Variants in DDC observed in about 807,000 individuals in gnomAD.
DDC encodes the protein aromatic-L-amino-acid decarboxylase.
A neutral mutation model predicts 60.0 loss-of-function variants in DDC; 43 were observed. That is an observed-to-expected ratio of 0.72 (90% CI 0.56 to 0.92). The LOEUF (loss-of-function observed/expected upper bound fraction) is 0.92. Ranked by LOEUF, DDC falls within the 40% of genes least tolerant of loss-of-function variation. The probability of loss-of-function intolerance (pLI) is 0.00; values close to 1 mark genes in which losing one functional copy is unlikely to be tolerated. For synonymous variants in DDC, 232 were observed against 234.6 expected, an observed-to-expected ratio of 0.99 and a Z score of 0.10; for missense variants, 573 against 620.2, an observed-to-expected ratio of 0.92 and a Z score of 0.81.
intron 6 of DDC, among the ~76,000 whole-genome samples, chr7:50,514,952 C>T (rs774441348): frequency 1.6e-4 from 24 of 152,178 alleles, no homozygotes; most frequent in Non-Finnish European, 3.4e-4. Context: ...TCAGTGTTCC[C>T]GAGGAAGAAG....
At position 50,507,537 on chromosome 7, in the gene DDC, C is replaced by T. The variant is rs544553517; in HGVS notation, c.715-3478G>A. 2.0e-5 allele frequency among the ~76,000 whole-genome samples: 3 copies of T among 152,252 alleles called. 1 individual carries two copies. The South Asian group carries it at 6.2e-4, about 32-fold the overall frequency. On this transcript the variant is annotated intron_variant, in intron 6 of 14. Coordinates refer to ENST00000444124, the MANE Select transcript of DDC (RefSeq NM_001082971.2). Reference sequence around the variant, plus strand: ...GAGAGCCACCATGCCCAGCCAATAACTTCTATTATTAAAAATTTATTAAAT... The same window carrying T: ...GAGAGCCACCATGCCCAGCCAATAATTTCTATTATTAAAAATTTATTAAAT...
intron 9 of DDC, among the ~76,000 whole-genome samples, chr7:50,490,593 C>T (rs1342165245): frequency 1.3e-5 from 2 of 152,170 alleles, no homozygotes; most frequent in African/African-American, 4.8e-5. Context: ...TCGCTTGAAC[C>T]TGGGAGGTGG....
intron 11 of DDC, among the ~76,000 whole-genome samples, chr7:50,474,329 G>T (rs984827090): frequency 2.0e-5 from 3 of 152,214 alleles, no homozygotes; most frequent in Non-Finnish European, 2.9e-5. Context: ...GCTGAGGAGA[G>T]TGAGGCTCAG....
chr7:50,536,793 G>A (rs145809460), intron 4 of DDC, among the ~76,000 whole-genome samples: 3 of 152,314 alleles, frequency 2.0e-5, no homozygotes, highest in East Asian at 3.9e-4. Context: ...CTAGTTTCGC[G>A]TGGCCACACT....
At chr7:50,545,724 C>T (rs1289323989) in intron 1 of DDC, among the ~76,000 whole-genome samples, 2 of 152,194 alleles carry the variant, frequency 1.3e-5, no homozygotes, top group African/African-American at 2.4e-5. Flanking sequence ...CCACCAGCCT[C>T]GGCCTCTCAA....
chr7:50,521,619 T>C (rs1286272143), intron 6 of DDC, among the ~76,000 whole-genome samples: 1 of 152,166 alleles, frequency 6.6e-6, no homozygotes, highest in African/African-American at 2.4e-5. Context: ...GAAAAATAAA[T>C]TAATATAATC....
chr7:50,535,427 G>T (rs908749988), intron 4 of DDC, among the ~76,000 whole-genome samples: 1 of 152,198 alleles, frequency 6.6e-6, no homozygotes, highest in Admixed American at 6.5e-5. Context: ...GATTACAGGC[G>T]TGAGCCACTA....
chr7:50,513,802 A>G (rs1028008005), intron 6 of DDC, among the ~76,000 whole-genome samples: 1 of 151,796 alleles, frequency 6.6e-6, no homozygotes, highest in Non-Finnish European at 1.5e-5. Flanking sequence ...CCCATCCCCC[A>G]CAGCAGCCGC....
At chr7:50,549,695 G>A (rs1026890149) in intron 1 of DDC, among the ~76,000 whole-genome samples, 16 of 151,486 alleles carry the variant, frequency 1.1e-4, no homozygotes, top group African/African-American at 3.9e-4. Context: ...TTCATGGAAA[G>A]AGGTCACAAT....
At chr7:50,459,159 G>C (rs1368799196) in intron 14 of DDC, among the ~76,000 whole-genome samples, 1 of 152,254 alleles carries the variant, frequency 6.6e-6, no homozygotes, top group Admixed American at 6.5e-5. Flanking sequence ...GGGTTTCGCT[G>C]TGTTGGCCGG....
chr7:50,515,080 T>C (rs1203844637), intron 6 of DDC, among the ~76,000 whole-genome samples: 3 of 152,106 alleles, frequency 2.0e-5, no homozygotes, highest in Admixed American at 6.5e-5. Context: ...AGGAAATTCA[T>C]GGCAAAAAGA....
At chr7:50,460,847 G>C (rs1323370671) in intron 14 of DDC, among the ~76,000 whole-genome samples, 2 of 151,556 alleles carry the variant, frequency 1.3e-5, no homozygotes, top group African/African-American at 4.9e-5. Flanking sequence ...GATGCTTGAA[G>C]GCAGCATGCT....
intron 13 of DDC, among the ~76,000 whole-genome samples, chr7:50,466,125 T>C (rs1035866483): frequency 2.6e-5 from 4 of 152,152 alleles, no homozygotes; most frequent in Admixed American, 1.3e-4. Context: ...CCCAGCCTGC[T>C]CCTTCTCCTG....
chr7:50,503,872 G>A (rs1283190680), intron 7 of DDC, 121 bp downstream of exon 7: 3 of 802,046 alleles, frequency 3.7e-6, no homozygotes, highest in Non-Finnish European at 6.7e-6. Flanking sequence ...AATACGAGAA[G>A]AGCTGGGCAA....
intron 9 of DDC, among the ~76,000 whole-genome samples, chr7:50,486,800 A>G (rs1399207004): frequency 1.3e-5 from 2 of 152,250 alleles, no homozygotes; most frequent in African/African-American, 4.8e-5. Context: ...TAAGTCATGC[A>G]AGGAGTTGCC....
Position 50,539,918 on chromosome 7 carries a change from G to A in DDC, c.312C>T (p.Ser104=), listed in dbSNP as rs750337633. 2.1e-5 allele frequency: 34 copies of A among 1,613,330 alleles called. No individual in the cohort carries two copies. Among genetic ancestry groups the A allele is most frequent in the Admixed American group, 3.3e-5 (2 of 60,010 alleles). ...LCGAIGCIGF[S]WAASPACTEL... ...CGAGGTGCATCCGGACCCTCACCCA[G>A]GAGAAGCCGATGCAGCCAATGGCCC... The change falls in exon 3 of 15, where the codon TCC becomes TCT. Residue 104 remains serine, a synonymous_variant. Coordinates refer to ENST00000444124, the MANE Select transcript of DDC (RefSeq NM_001082971.2).
At chr7:50,563,802 A>G (rs2045385800) in intron 1 of DDC, among the ~76,000 whole-genome samples, 1 of 152,150 alleles carries the variant, frequency 6.6e-6, no homozygotes, top group African/African-American at 2.4e-5. Flanking sequence ...AGGTCTCACC[A>G]TGTTGCCCAG....
intron 11 of DDC, among the ~76,000 whole-genome samples, chr7:50,474,376 G>T (rs1333907860): frequency 6.6e-6 from 1 of 152,226 alleles, no homozygotes; most frequent in Non-Finnish European, 1.5e-5. Flanking sequence ...ACCCCATGAG[G>T]GTCAGGGACT....
At chr7:50,479,595 C>T (rs11575459) in intron 10 of DDC, among the ~76,000 whole-genome samples, 192 bp downstream of exon 10, 46 of 152,264 alleles carry the variant, frequency 3.0e-4, no homozygotes, top group South Asian at 1.0e-3. Context: ...CCCAGGGAGC[C>T]TCCCCAAGCC....
Sources: allele counts gnomAD v4.1 joint callset (sites outside exome capture counted in the v4.1 genomes callset), GRCh38; gene constraint gnomAD v4.1.1; transcripts MANE v1.5; gene names NCBI Gene and HGNC (gene_info 2026-07-23, HGNC 2026-07-21).